Variants in ATE1 observed in about 807,000 individuals in gnomAD.
ATE1 encodes arginyltransferase 1, also known as arginyl-tRNA--protein transferase 1.
A neutral mutation model predicts 70.5 loss-of-function variants in ATE1; 36 were observed. The ratio of observed to expected loss-of-function variants is 0.51; its 90% confidence interval spans 0.39 to 0.67. ATE1 has a LOEUF of 0.67. ATE1 is among the 30% of genes least tolerant of loss of function. The probability of loss-of-function intolerance (pLI) is 0.00; values close to 1 mark genes in which losing one functional copy is unlikely to be tolerated. For missense variants in ATE1, 593 were observed against 629.5 expected (o/e 0.94, Z 0.62); for synonymous variants, 232 against 219.3 (o/e 1.06, Z -0.51).
At chr10:121,889,790 G>A (rs1188452246) in intron 7 of ATE1, among the ~76,000 whole-genome samples, 1 of 151,898 alleles carries the variant, frequency 6.6e-6, no homozygotes, top group African/African-American at 2.4e-5. Flanking sequence ...TCCAGCCTGG[G>A]TGACCGACCA....
intron 8 of ATE1, among the ~76,000 whole-genome samples, chr10:121,849,446 C>CTG (rs1948971595): frequency 6.6e-6 from 1 of 152,180 alleles, no homozygotes; most frequent in East Asian, 1.9e-4. Context: ...TGAGTCCAGT[C>CTG]ATAACCAGTT....
Position 121,790,193 on chromosome 10 carries a change from G to T in ATE1, c.1354C>A (p.Arg452Ser). Residue 452 changes from arginine (R) to serine (S), a missense_variant, in exon 11 of 12, where the codon CGT becomes AGT. This residue lies in a region of ATE1 where 90 missense variants were observed against 93.7 expected (regional missense o/e 0.96). Coordinates refer to ENST00000224652, the MANE Select transcript of ATE1 (RefSeq NM_001001976.3). ...CCTGCTTCTGGGTCCTGGTTGAAAC[G>T]GCAGTACTTGGAGTTTTCAAGTGAA... ...LPSLENSKYCRFNQDPEAVDE... is the reference protein window; with the variant it reads ...LPSLENSKYCSFNQDPEAVDE... 1 of 1,614,014 alleles carries T rather than the reference G, an allele frequency of 6.2e-7. No homozygotes were observed.
chr10:121,928,341 A>G (rs1952191411), upstream of ATE1: 4 of 1,520,916 alleles, frequency 2.6e-6, no homozygotes, highest in Non-Finnish European at 3.5e-6. Flanking sequence ...CGTCGGGAAC[A>G]CTCACCGCAG....
At chr10:121,794,642 G>A (rs934747677) in intron 10 of ATE1, among the ~76,000 whole-genome samples, 89 of 40,764 alleles carry the variant, frequency 2.2e-3, no homozygotes, top group Non-Finnish European at 2.5e-3. Context: ...AAGGAGAAGA[G>A]AATACCAAGA....
In ATE1 at chr10:121,902,374, A is replaced by G. The variant is rs1315488116; in HGVS notation, c.813+17T>C. On this transcript the variant is annotated intron_variant, in intron 6 of 11. Coordinates refer to ENST00000224652, the MANE Select transcript of ATE1 (RefSeq NM_001001976.3). ...AAAAATCATAATAAAACAAACAACA[A>G]AAGTCCTCCAAAGTACCTCTAACTT... 1.9e-6 allele frequency: 3 copies of G among 1,593,466 alleles called. No individual in the cohort carries two copies. The East Asian group carries it at 6.7e-5, about 36-fold the overall frequency.
chr10:121,783,711 A>G (rs143883671), intron 11 of ATE1, among the ~76,000 whole-genome samples: 19 of 152,286 alleles, frequency 1.2e-4, no homozygotes, highest in Admixed American at 1.2e-3. Flanking sequence ...TTTTCCATAC[A>G]AACAAATGAA....
At chr10:121,894,818 C>A (rs4752620) in intron 7 of ATE1, among the ~76,000 whole-genome samples, 1 of 151,624 alleles carries the variant, frequency 6.6e-6, no homozygotes, top group Non-Finnish European at 1.5e-5. Flanking sequence ...GGAGAATGGC[C>A]CGAACCCGAG....
In ATE1 at chr10:121,901,687, C is replaced by T. The variant is rs532664124; in HGVS notation, c.813+704G>A. On this transcript the variant is annotated intron_variant, in intron 6 of 11. Transcript: ENST00000224652. ...GCCAAGCTGATCTCAAACACCAGAC[C>T]TCAAGAGATCCACCTGCCTCGGCCT... 3.9e-5 allele frequency among the ~76,000 whole-genome samples: 6 copies of T among 152,180 alleles called. No homozygotes were observed. The South Asian group carries it at 1.2e-3, about 32-fold the overall frequency.
chr10:121,876,486 G>A (rs1297048879), intron 7 of ATE1, among the ~76,000 whole-genome samples: 1 of 151,954 alleles, frequency 6.6e-6, no homozygotes, highest in East Asian at 1.9e-4. Flanking sequence ...TAGAAATGGT[G>A]GCTCTATACT....
chr10:121,801,491 CGTAAGTTGAAAAGGATTTTT>C (rs1291316841), intron 10 of ATE1, among the ~76,000 whole-genome samples: 16 of 151,378 alleles, frequency 1.1e-4, no homozygotes, highest in Middle Eastern at 3.4e-3. Context: ...ACTGAAGGGT[CGTAAGTTGAAAAGGATTTTT>C]AAAATAAGAC....
intron 10 of ATE1, among the ~76,000 whole-genome samples, chr10:121,805,782 C>T (rs556199278): frequency 6.6e-6 from 1 of 152,164 alleles, no homozygotes; most frequent in African/African-American, 2.4e-5. Flanking sequence ...GAACCTACCA[C>T]TGGCAAAAGA....
intron 8 of ATE1, among the ~76,000 whole-genome samples, chr10:121,853,946 C>T (rs1036100988): frequency 2.0e-5 from 3 of 152,244 alleles, no homozygotes; most frequent in Admixed American, 6.5e-5. Context: ...GGCACGTAAT[C>T]CCATTATTCA....
At chr10:121,787,176 C>T (rs1278538422) in intron 11 of ATE1, among the ~76,000 whole-genome samples, 2 of 152,148 alleles carry the variant, frequency 1.3e-5, no homozygotes, top group Non-Finnish European at 2.9e-5. Context: ...TAACTGAAGC[C>T]TATAGTGATC....
intron 8 of ATE1, among the ~76,000 whole-genome samples, chr10:121,842,737 CA>C (rs1013337616): frequency 2.6e-5 from 4 of 152,050 alleles, no homozygotes; most frequent in Non-Finnish European, 5.9e-5. Flanking sequence ...ATCAATAGGT[CA>C]AAAGAAGAAG....
At chr10:121,779,250 T>C (rs1945878396) in intron 11 of ATE1, among the ~76,000 whole-genome samples, 1 of 152,298 alleles carries the variant, frequency 6.6e-6, no homozygotes, top group African/African-American at 2.4e-5. Context: ...GCCTGGTAAG[T>C]TCCCAACCCT....
At chr10:121,801,522 A>G (rs1946877254) in intron 10 of ATE1, among the ~76,000 whole-genome samples, 1 of 146,168 alleles carries the variant, frequency 6.8e-6, no homozygotes, top group South Asian at 2.3e-4. Context: ...AAAATAAGAC[A>G]TAGAATGAAA....
chr10:121,771,802 C>T (rs1179972165), intron 11 of ATE1, among the ~76,000 whole-genome samples: 18 of 152,162 alleles, frequency 1.2e-4, no homozygotes. Flanking sequence ...CAGCTCAATA[C>T]TTGAAAAAAA....
chr10:121,792,228 T>C (rs1289142178), intron 10 of ATE1, among the ~76,000 whole-genome samples: 1 of 152,050 alleles, frequency 6.6e-6, no homozygotes, highest in African/African-American at 2.4e-5. Flanking sequence ...TTGGGCCAAG[T>C]AGAAAACTCC....
chr10:121,804,900 C>A (rs576752720), intron 10 of ATE1, among the ~76,000 whole-genome samples: 1 of 152,126 alleles, frequency 6.6e-6, no homozygotes, highest in Non-Finnish European at 1.5e-5. Flanking sequence ...TCCATGCTTA[C>A]TAACTTCTTT....
Sources: allele counts gnomAD v4.1 joint callset (sites outside exome capture counted in the v4.1 genomes callset), GRCh38; gene constraint gnomAD v4.1.1; regional missense constraint gnomAD v4.1.1; transcripts MANE v1.5; gene names NCBI Gene and HGNC (gene_info 2026-07-23, HGNC 2026-07-21).